The following PCDH15 variants were observed in gnomAD, a reference collection of about 807,000 sequenced individuals.
The protein encoded by PCDH15 is protocadherin-15.
A neutral mutation model predicts 178.5 loss-of-function variants in PCDH15; 129 were observed. The observed-to-expected ratio is 0.72, with a 90% CI of 0.63 to 0.84. The LOEUF (loss-of-function observed/expected upper bound fraction) is 0.84. Among genes scored for constraint, PCDH15 ranks in the 40% least tolerant of loss-of-function variants. PCDH15 has a pLI of 0.00. For synonymous variants in PCDH15, 800 were observed against 732.0 expected, an observed-to-expected ratio of 1.09 and a Z score of -1.50; for missense variants, 2,230 against 2,099.9, an observed-to-expected ratio of 1.06 and a Z score of -1.21.
In PCDH15 at chr10:55,399,536, A is replaced by G. The variant is rs1838014346; in HGVS notation, c.-156+228089T>C. Among the ~76,000 whole-genome samples, 5 of 152,264 alleles carry G rather than the reference A, an allele frequency of 3.3e-5. No homozygotes were observed. The South Asian group carries it at 1.0e-3, about 32-fold the overall frequency. On this transcript the variant is annotated intron_variant, in intron 2 of 5. Transcript: ENST00000613346. ...GCACTAAGCACTCTCCACATGACAA[A>G]TTCTGCTTCAATCCCTAGAAGGTGT...
At chr10:53,953,928 T>G (rs1367909628) in intron 23 of PCDH15, among the ~76,000 whole-genome samples, 1 of 152,164 alleles carries the variant, frequency 6.6e-6, no homozygotes, top group African/African-American at 2.4e-5. Context: ...TAGCTGGGAC[T>G]ATGGGCACCC....
intron 2 of PCDH15, among the ~76,000 whole-genome samples, chr10:55,127,045 A>G (rs897245953): frequency 3.9e-5 from 6 of 152,040 alleles, no homozygotes; most frequent in African/African-American, 1.4e-4. Flanking sequence ...TACTTCAAAT[A>G]TCACTCTGAC....
At chr10:55,168,239 G>A (rs934478688) in intron 1 of PCDH15, among the ~76,000 whole-genome samples, 5 of 151,960 alleles carry the variant, frequency 3.3e-5, no homozygotes, top group South Asian at 2.1e-4. Flanking sequence ...CCCTATCCCC[G>A]ACCCCAAGCC....
At chr10:54,779,561 G>T (rs1410834870) in intron 1 of PCDH15, among the ~76,000 whole-genome samples, 1 of 97,608 alleles carries the variant, frequency 1.0e-5, no homozygotes, top group Non-Finnish European at 2.2e-5. Context: ...TCCCCTTTCT[G>T]TTCAATACAG....
At chr10:54,539,300 C>T (rs923546172) in intron 2 of PCDH15, among the ~76,000 whole-genome samples, 9 of 152,044 alleles carry the variant, frequency 5.9e-5, no homozygotes, top group African/African-American at 2.2e-4. Flanking sequence ...ATCATGCAAA[C>T]AGAATACCAA....
intron 11 of PCDH15, among the ~76,000 whole-genome samples, chr10:54,186,382 C>T (rs993514875): frequency 6.6e-6 from 1 of 151,892 alleles, no homozygotes; most frequent in African/African-American, 2.4e-5. Flanking sequence ...TTCAAAATTT[C>T]TATGTAAAAT....
intron 10 of PCDH15, among the ~76,000 whole-genome samples, chr10:54,198,072 A>G (rs1038134602): frequency 6.6e-6 from 1 of 152,194 alleles, no homozygotes; most frequent in African/African-American, 2.4e-5. Context: ...GCTCAGCACT[A>G]AGAAGAACAG....
chr10:55,115,210 TC>T (rs1837601039), intron 2 of PCDH15, among the ~76,000 whole-genome samples: 1 of 152,304 alleles, frequency 6.6e-6, no homozygotes, highest in South Asian at 2.1e-4. Context: ...CTTGCTTTTT[TC>T]AGTGAATTTG....
At chr10:55,567,808 A>C (rs539743035) in intron 2 of PCDH15, among the ~76,000 whole-genome samples, 3 of 151,950 alleles carry the variant, frequency 2.0e-5, no homozygotes, top group African/African-American at 7.2e-5. Flanking sequence ...CACCCTCGAA[A>C]CTTGTTACAC....
intron 3 of PCDH15, among the ~76,000 whole-genome samples, chr10:54,887,777 C>T: frequency 6.6e-6 from 1 of 152,238 alleles, no homozygotes; most frequent in East Asian, 1.9e-4. Context: ...CTTAGTCCTT[C>T]CTTCAGTGAG....
chr10:53,838,455 CT>C (rs75016090), intron 29 of PCDH15, among the ~76,000 whole-genome samples: 148,968 of 152,040 alleles, frequency 0.98, 72,998 homozygotes, highest in East Asian at 1. Context: ...ACCCAAGTGG[CT>C]TTTTTTTCCC....
At chr10:55,017,613 T>C (rs1161048197) in intron 2 of PCDH15, among the ~76,000 whole-genome samples, 2 of 152,128 alleles carry the variant, frequency 1.3e-5, no homozygotes, top group African/African-American at 4.8e-5. Flanking sequence ...AATAAGCATG[T>C]TCAAAAGTAG....
At chr10:54,248,080 G>A (rs1441762344) in intron 8 of PCDH15, among the ~76,000 whole-genome samples, 2 of 151,202 alleles carry the variant, frequency 1.3e-5, no homozygotes, top group African/African-American at 2.4e-5. Flanking sequence ...CAAGTTATAA[G>A]CTAGGGAGAA....
chr10:54,553,293 G>C (rs1225651281), intron 2 of PCDH15, among the ~76,000 whole-genome samples: 1 of 152,120 alleles, frequency 6.6e-6, no homozygotes, highest in Non-Finnish European at 1.5e-5. Flanking sequence ...CTTGCAAAAT[G>C]AATGCTCTAC....
At chr10:54,448,890 C>T (rs1249030331) in intron 3 of PCDH15, among the ~76,000 whole-genome samples, 1 of 151,748 alleles carries the variant, frequency 6.6e-6, no homozygotes, top group East Asian at 1.9e-4. Context: ...ATGTGAATTT[C>T]TTAAGGGTCT....
intron 13 of PCDH15, among the ~76,000 whole-genome samples, chr10:54,154,218 A>C (rs1189996520): frequency 2.0e-5 from 3 of 152,190 alleles, no homozygotes; most frequent in Admixed American, 2.0e-4. Context: ...ATTCTAGCAG[A>C]AATCTTATAG....
intron 1 of PCDH15, among the ~76,000 whole-genome samples, chr10:54,725,617 C>T (rs72794567): frequency 0.13 from 17,891 of 138,930 alleles, 1,258 homozygotes; most frequent in African/African-American, 0.17. Context: ...TAATAAAACA[C>T]TGCAACCTCA....
chr10:55,570,100 G>T, intron 2 of PCDH15, among the ~76,000 whole-genome samples: 1 of 151,884 alleles, frequency 6.6e-6, no homozygotes, highest in East Asian at 1.9e-4. Flanking sequence ...CTTACAGTTA[G>T]TTGAATTGTT....
At chr10:54,806,142 G>C (rs148230574), upstream of PCDH15, among the ~76,000 whole-genome samples, 14 of 152,126 alleles carry the variant, frequency 9.2e-5, no homozygotes, top group East Asian at 2.7e-3. Context: ...AATACTTCTG[G>C]TATTTTCCTA....
Sources: gnomAD v4.1 joint callset for allele counts (sites outside exome capture counted in the v4.1 genomes callset) on GRCh38, gnomAD v4.1.1 for gene constraint, MANE v1.5 for transcripts, NCBI Gene and HGNC (gene_info 2026-07-23, HGNC 2026-07-21) for gene names.